The following LAMB4 variants were observed in gnomAD, a reference collection of about 807,000 sequenced individuals.
The protein encoded by LAMB4 is laminin subunit beta 4.
Under a neutral mutation model 199.2 loss-of-function variants are expected in LAMB4, and 196 were observed. That is an observed-to-expected ratio of 0.98 (90% CI 0.88 to 1.11). LAMB4 has a LOEUF of 1.11. Among genes scored for constraint, LAMB4 ranks in the 50% least tolerant of loss-of-function variants. The pLI is 0.00. For missense variants in LAMB4, 2,080 were observed against 2,171.2 expected (o/e 0.96, Z 0.83); for synonymous variants, 744 against 770.6 (o/e 0.97, Z 0.57).
intron 12 of LAMB4, 142 bp from the exon 13 acceptor site, chr7:108,092,558 A>C (rs938896745): frequency 8.9e-6 from 6 of 674,848 alleles, no homozygotes; most frequent in East Asian, 5.4e-5. Context: ...TTCCTGGCCT[A>C]TGCGCTTGGC....
intron 22 of LAMB4, 110 bp downstream of exon 22, chr7:108,063,651 T>A: frequency 2.1e-6 from 2 of 959,644 alleles, no homozygotes; most frequent in Non-Finnish European, 3.4e-6. Flanking sequence ...TGGGTGCTGC[T>A]TTTGCCTGCT....
At chr7:108,016,275 ATTTTTTTTT>A in the LAMB4 span, among the ~76,000 whole-genome samples, 3 of 97,854 alleles carry the variant, frequency 3.1e-5, no homozygotes, top group African/African-American at 1.4e-4. Context: ...GCATTTTGGA[ATTTTTTTTT>A]TTTTTTTTTT....
chr7:108,031,146 G>A (rs906410284), intron 31 of LAMB4, among the ~76,000 whole-genome samples, 167 bp from the exon 32 acceptor site: 54 of 151,624 alleles, frequency 3.6e-4, no homozygotes, highest in African/African-American at 1.2e-3. Flanking sequence ...AAATATTTCA[G>A]ACATACAAAA....
At chr7:108,017,921 A>G in the LAMB4 span, among the ~76,000 whole-genome samples, 2 of 152,248 alleles carry the variant, frequency 1.3e-5, no homozygotes, top group Admixed American at 6.5e-5. Flanking sequence ...GCTAAAGGAA[A>G]TGAGGACATG....
chr7:108,066,514 G>T lies in LAMB4; in HGVS notation c.2533C>A (p.Arg845Ser). 6.2e-7 allele frequency: 1 copy of T among 1,614,020 alleles called. No individual in the cohort carries two copies. Among genetic ancestry groups the T allele is most frequent in the African/African-American group, 1.3e-5 (1 of 75,048 alleles). ...QCPCHGEVSG[R>S]RCDRCLAGYF... ...CCTGCCAGGCAGCGATCACAGCGGC[G>T]GCCAGACACCTCTCCATGGCAGGGG... Residue 845 changes from arginine (R) to serine (S), a missense_variant, in exon 20 of 34, where the codon CGC becomes AGC. Coordinates refer to ENST00000388781, the MANE Select transcript of LAMB4 (RefSeq NM_007356.3).
intron 2 of LAMB4, among the ~76,000 whole-genome samples, chr7:108,116,927 C>T (rs776697875): frequency 2.6e-5 from 4 of 152,186 alleles, no homozygotes; most frequent in Non-Finnish European, 5.9e-5. Context: ...GTCCCAGCTA[C>T]TCAGGAAGCT....
chr7:108,035,604 C>CAAAAAAAAA (rs34425857), intron 30 of LAMB4, among the ~76,000 whole-genome samples: 13 of 79,920 alleles, frequency 1.6e-4, no homozygotes, highest in East Asian at 1.0e-3. Flanking sequence ...TAGAGAGTAC[C>CAAAAAAAAA]AAAAAAAAAA....
At chr7:108,088,817 CAGA>C (rs1485408532) in intron 14 of LAMB4, among the ~76,000 whole-genome samples, 12 of 152,166 alleles carry the variant, frequency 7.9e-5, no homozygotes, top group Non-Finnish European at 1.6e-4. Context: ...TTCTCTTGCA[CAGA>C]AGGTGTATGG....
In LAMB4 at chr7:108,116,041, C is replaced by T. The variant is rs749430871; in HGVS notation, c.155G>A (p.Ser52Asn). 6 of 1,614,038 alleles carry T rather than the reference C, an allele frequency of 3.7e-6. No individual in the cohort carries two copies. Among genetic ancestry groups the T allele is most frequent in the Non-Finnish European group, 5.1e-6 (6 of 1,179,930 alleles). Reference protein sequence around the residue: ...QLMASSTCGLSRAQKYCILSY... With the variant: ...QLMASSTCGLNRAQKYCILSY... ...GAGGATGCAGTATTTCTGGGCTCTG[C>T]TCAGCCCACAGGTAGAAGAAGCCAT... Residue 52 changes from serine to asparagine, a missense_variant, in exon 3 of 34, where the codon AGC becomes AAC. By Grantham distance (46) the Ser-to-Asn change is conservative. Transcript: ENST00000388781.
chr7:108,085,777 C>G (rs1044404785), intron 14 of LAMB4, among the ~76,000 whole-genome samples: 48 of 152,208 alleles, frequency 3.2e-4, no homozygotes, highest in African/African-American at 1.2e-3. Context: ...CCACACCCAG[C>G]TAATTTTTTG....
Position 108,049,344 on chromosome 7 carries a change from GATATCTGGTATCTTAA to G in LAMB4, c.4088_4103del (p.Ile1363ThrfsTer4). 6.4e-7 allele frequency: 1 copy of G among 1,564,678 alleles called. No homozygotes were observed. Among genetic ancestry groups the G allele is most frequent in the Non-Finnish European group, 8.8e-7 (1 of 1,139,524 alleles). On this transcript the variant is annotated frameshift_variant, in exon 27 of 34. Coordinates refer to ENST00000388781, the MANE Select transcript of LAMB4 (RefSeq NM_007356.3). LOFTEE classifies it high-confidence loss of function. The stretch of plus-strand genomic sequence containing the variant: ...TATTTACCTTTTCATTCAATATTTG[GATATCTGGTATCTTAA>G]TCTGCTTTAATCTTTCCAATGACAA...
intron 16 of LAMB4, among the ~76,000 whole-genome samples, chr7:108,077,498 G>C (rs1192658945): frequency 6.6e-6 from 1 of 152,104 alleles, no homozygotes; most frequent in African/African-American, 2.4e-5. Context: ...TTTGAGACCA[G>C]CCTGGCCAAT....
rs1238636768 is a variant in LAMB4, at chr7:108,098,506, C to T, written c.1257G>A (p.Val419=). 1 of 1,613,904 alleles carries T rather than the reference C, an allele frequency of 6.2e-7. No homozygotes were observed. The highest frequency in any genetic ancestry group is 2.2e-5 in the East Asian group (1 of 44,880). ...TCTCTTTACAAAGGCACTGGCCGGCCACAGACCCTAAGGCAGGATCAGAGT... is the reference window on the plus strand; with the variant it reads ...TCTCTTTACAAAGGCACTGGCCGGCTACAGACCCTAAGGCAGGATCAGAGT... ...VSHSDPALGS[V]AGQCLCKENV... The change falls in exon 11 of 34, where the codon GTG becomes GTA. Residue 419 remains valine (V), a synonymous_variant. Coordinates refer to ENST00000388781, the MANE Select transcript of LAMB4 (RefSeq NM_007356.3).
chr7:108,077,857 C>T (rs1219485347), intron 16 of LAMB4, among the ~76,000 whole-genome samples: 1 of 152,172 alleles, frequency 6.6e-6, no homozygotes, highest in African/African-American at 2.4e-5. Flanking sequence ...TCAAAGCCAC[C>T]TGGGGACCGG....
chr7:108,094,275 C>T (rs887567448), intron 12 of LAMB4, among the ~76,000 whole-genome samples: 1 of 152,200 alleles, frequency 6.6e-6, no homozygotes, highest in Non-Finnish European at 1.5e-5. Context: ...ATTTGTTGAT[C>T]CTGTAACCAA....
intron 23 of LAMB4, 31 bp from the exon 24 acceptor site, chr7:108,057,959 CA>C: frequency 6.9e-7 from 1 of 1,456,642 alleles, no homozygotes; most frequent in Non-Finnish European, 9.6e-7. Flanking sequence ...GAGGAATTGA[CA>C]AGTTTTATGG....
intron 31 of LAMB4, 149 bp downstream of exon 31, chr7:108,034,059 T>C (rs1439183992): frequency 1.3e-6 from 1 of 781,588 alleles, no homozygotes; most frequent in Admixed American, 2.3e-5. Flanking sequence ...GAACATTAAA[T>C]ACATGCATAA....
At chr7:108,028,572 G>T (rs1354728402) in intron 33 of LAMB4, among the ~76,000 whole-genome samples, 1 of 150,332 alleles carries the variant, frequency 6.7e-6, no homozygotes, top group Non-Finnish European at 1.5e-5. Flanking sequence ...TGCCTCCCAG[G>T]TTCAGGCAAT....
chr7:108,098,949 G>A (rs561609814), intron 10 of LAMB4, among the ~76,000 whole-genome samples: 2 of 152,266 alleles, frequency 1.3e-5, no homozygotes, highest in South Asian at 4.1e-4. Flanking sequence ...CATTGTGCTG[G>A]TGAACTGTTG....
Sources: allele counts gnomAD v4.1 joint callset (sites outside exome capture counted in the v4.1 genomes callset), GRCh38; gene constraint gnomAD v4.1.1; transcripts MANE v1.5; gene names NCBI Gene and HGNC (gene_info 2026-07-23, HGNC 2026-07-21).